GLIS3: variants seen among roughly 807,000 people sequenced by gnomAD.
GLIS3 encodes zinc finger protein GLIS3.
A neutral mutation model predicts 78.6 loss-of-function variants in GLIS3; 53 were observed. That is an observed-to-expected ratio of 0.67 (90% CI 0.54 to 0.85). The LOEUF is 0.85. GLIS3 is among the 40% of genes least tolerant of loss of function. GLIS3 has a pLI of 0.00. For missense variants in GLIS3, 1,703 were observed against 1,231.1 expected, an observed-to-expected ratio of 1.38 and a Z score of -5.74; for synonymous variants, 684 against 509.9, an observed-to-expected ratio of 1.34 and a Z score of -4.60.
intron 2 of GLIS3, among the ~76,000 whole-genome samples, chr9:4,331,798 G>C (rs995620157): frequency 5.9e-5 from 9 of 152,174 alleles, no homozygotes; most frequent in African/African-American, 2.2e-4. Flanking sequence ...TGAACATCTG[G>C]GTGGGAAGAG....
intron 4 of GLIS3, among the ~76,000 whole-genome samples, chr9:4,113,441 C>T (rs150886383): frequency 7.2e-4 from 110 of 152,278 alleles, no homozygotes; most frequent in African/African-American, 2.5e-3. Flanking sequence ...CCAATTTAGT[C>T]TCTCCAACAA....
chr9:4,011,359 A>G (rs1821992018), intron 4 of GLIS3, among the ~76,000 whole-genome samples: 2 of 152,202 alleles, frequency 1.3e-5, no homozygotes, highest in African/African-American at 4.8e-5. Context: ...GTAAAATGGA[A>G]GATGAAAACA....
chr9:3,876,241 A>C (rs1459111820), intron 8 of GLIS3, among the ~76,000 whole-genome samples: 1 of 152,178 alleles, frequency 6.6e-6, no homozygotes, highest in Middle Eastern at 3.2e-3. Context: ...AGTTCTTCAA[A>C]ACTGTCAATG....
chr9:4,379,604 G>A, the GLIS3 span, among the ~76,000 whole-genome samples: 2 of 152,200 alleles, frequency 1.3e-5, no homozygotes, highest in African/African-American at 4.8e-5. Flanking sequence ...CCATTGGGTG[G>A]TGGCAGTTGA....
At chr9:3,839,904 C>G (rs1215377248) in intron 9 of GLIS3, among the ~76,000 whole-genome samples, 1 of 152,084 alleles carries the variant, frequency 6.6e-6, no homozygotes, top group East Asian at 1.9e-4. Flanking sequence ...ATTCTACAAA[C>G]CCTGAAGTGT....
the GLIS3 span, among the ~76,000 whole-genome samples, chr9:4,363,432 A>G: frequency 6.6e-6 from 1 of 152,230 alleles, no homozygotes; most frequent in Admixed American, 6.5e-5. Flanking sequence ...AAGGTTTTCA[A>G]TAACTTGGTT....
intron 4 of GLIS3, among the ~76,000 whole-genome samples, chr9:4,021,506 C>T (rs1259868541): frequency 2.6e-5 from 4 of 152,102 alleles, no homozygotes; most frequent in African/African-American, 7.2e-5. Context: ...TTCATATCTG[C>T]TTGATATGTG....
At chr9:4,255,146 T>A (rs995121851) in intron 2 of GLIS3, among the ~76,000 whole-genome samples, 1 of 152,056 alleles carries the variant, frequency 6.6e-6, no homozygotes. Context: ...AAAGGCAAAT[T>A]AAAATAATAG....
chr9:4,275,852 A>C (rs61241118), intron 2 of GLIS3, among the ~76,000 whole-genome samples: 4,610 of 152,294 alleles, frequency 0.03, 226 homozygotes, highest in African/African-American at 0.11. Context: ...ATGTCTTCAT[A>C]CCTAAAATGG....
At chr9:3,869,245 G>C (rs910977725) in intron 8 of GLIS3, among the ~76,000 whole-genome samples, 2 of 139,040 alleles carry the variant, frequency 1.4e-5, no homozygotes, top group African/African-American at 2.7e-5. Flanking sequence ...ACATTAAAGA[G>C]AGTGAGAAAA....
chr9:4,344,732 C>A (rs1189422941), intron 2 of GLIS3, among the ~76,000 whole-genome samples: 1 of 152,234 alleles, frequency 6.6e-6, no homozygotes, highest in Non-Finnish European at 1.5e-5. Context: ...ATATCCACAG[C>A]TGAATTTTCT....
Position 4,020,761 on chromosome 9 carries a change from C to T in GLIS3, c.1711-83572G>A, listed in dbSNP as rs79151433. Among the ~76,000 whole-genome samples, 1,461 of 152,322 alleles carry T rather than the reference C, an allele frequency of 9.6e-3. 32 individuals carry two copies. Among genetic ancestry groups the T allele is most frequent in the African/African-American group, 0.033 (1,375 of 41,550 alleles). ...TGTCTGATACTACAAGAATTAGTGT[C>T]GAGCTGCAAGAACAAAGCAAATAAT... On this transcript the variant is annotated intron_variant, in intron 4 of 10. Transcript: ENST00000381971.
At chr9:4,115,572 G>A (rs1831576100) in intron 4 of GLIS3, among the ~76,000 whole-genome samples, 1 of 152,080 alleles carries the variant, frequency 6.6e-6, no homozygotes, top group Non-Finnish European at 1.5e-5. Flanking sequence ...TACAACTTAA[G>A]AGGACTGCTA....
chr9:4,090,978 T>C (rs1325606535), intron 4 of GLIS3, among the ~76,000 whole-genome samples: 1 of 152,220 alleles, frequency 6.6e-6, no homozygotes, highest in Non-Finnish European at 1.5e-5. Flanking sequence ...GCAATGTATT[T>C]AACCTCTTTG....
chr9:4,480,231 G>A, the GLIS3 span, among the ~76,000 whole-genome samples: 3 of 115,558 alleles, frequency 2.6e-5, no homozygotes, highest in Non-Finnish European at 5.0e-5. Flanking sequence ...TTGAGATGAA[G>A]TCTCACTGTG....
intron 2 of GLIS3, chr9:4,152,023 A>T: frequency 2.9e-6 from 1 of 342,028 alleles, no homozygotes; most frequent in Non-Finnish European, 4.1e-6. Flanking sequence ...CAGGTCTTGT[A>T]TGAAAAAACC....
chr9:4,485,954 C>T, the GLIS3 span, among the ~76,000 whole-genome samples: 1 of 152,124 alleles, frequency 6.6e-6, no homozygotes, highest in Non-Finnish European at 1.5e-5. Context: ...AACTCCTGAC[C>T]TCAGGAATCC....
chr9:4,060,121 A>C (rs1273428544), intron 4 of GLIS3, among the ~76,000 whole-genome samples: 10 of 152,024 alleles, frequency 6.6e-5, no homozygotes, highest in Admixed American at 6.6e-4. Flanking sequence ...CAAGCATTTT[A>C]CTGAAAGATG....
chr9:4,099,376 G>C (rs902368572), intron 4 of GLIS3, among the ~76,000 whole-genome samples: 1 of 152,120 alleles, frequency 6.6e-6, no homozygotes, highest in Non-Finnish European at 1.5e-5. Context: ...GCTTGCAGAT[G>C]CGTCACTCCA....
Sources: gnomAD v4.1 joint callset for allele counts (sites outside exome capture counted in the v4.1 genomes callset) on GRCh38, gnomAD v4.1.1 for gene constraint, MANE v1.5 for transcripts, NCBI Gene and HGNC (gene_info 2026-07-23, HGNC 2026-07-21) for gene names.